SLC3A1: variants seen among roughly 807,000 people sequenced by gnomAD.
The protein encoded by SLC3A1 is solute carrier family 3 member 1, also known as amino acid transporter heavy chain SLC3A1.
In SLC3A1, 78 loss-of-function variants were observed where a neutral mutation model predicts 60.3. That is an observed-to-expected ratio of 1.29 (90% CI 1.08 to 1.56). SLC3A1 has a LOEUF of 1.56. Among genes scored for constraint, SLC3A1 ranks in the 40% most tolerant of loss-of-function variants. SLC3A1 has a pLI of 0.00. For synonymous variants in SLC3A1, 392 were observed against 307.9 expected (o/e 1.27, Z -2.86); for missense variants, 1,172 against 858.9 (o/e 1.36, Z -4.56).
intron 4 of SLC3A1, among the ~76,000 whole-genome samples, chr2:44,299,660 T>C (rs1002661391): frequency 1.1e-4 from 16 of 152,234 alleles, no homozygotes; most frequent in South Asian, 4.1e-4. Context: ...TCTTTTCTTA[T>C]GGTTTCATTC....
At chr2:44,277,083 C>T (rs1294659775) in intron 1 of SLC3A1, among the ~76,000 whole-genome samples, 3 of 138,458 alleles carry the variant, frequency 2.2e-5, no homozygotes, top group Non-Finnish European at 4.7e-5. Context: ...CTTTTTCACG[C>T]TCCTATCATT....
chr2:44,304,048 C>G, intron 6 of SLC3A1, 95 bp from the exon 7 acceptor site: 1 of 916,554 alleles, frequency 1.1e-6, no homozygotes, highest in Non-Finnish European at 1.8e-6. Context: ...TGCATTCAGC[C>G]CCTACATCTT....
rs562577136 is a variant in SLC3A1, at chr2:44,292,155, T to C, written c.891+5998T>C. Reference sequence around the variant, plus strand: ...AGACTCCAGATGGCCTGGCCTCGTATCTGGGGTTTGGAGTGATCCTACACC... The same window carrying C: ...AGACTCCAGATGGCCTGGCCTCGTACCTGGGGTTTGGAGTGATCCTACACC... On this transcript the variant is annotated intron_variant, in intron 4 of 9. Transcript: ENST00000260649. 1.1e-4 allele frequency among the ~76,000 whole-genome samples: 17 copies of C among 152,122 alleles called. No individual in the cohort carries two copies. In the South Asian group the frequency reaches 3.3e-3, roughly 30 times the overall value.
intron 1 of SLC3A1, among the ~76,000 whole-genome samples, chr2:44,280,190 A>C (rs1050765799): frequency 6.6e-6 from 1 of 152,142 alleles, no homozygotes; most frequent in Non-Finnish European, 1.5e-5. Context: ...GATTTTTTTT[A>C]ATGCTATGTT....
chr2:44,286,620 GTGTCTGTGACTGAGCTGTGCAC>G (rs1178016982), intron 4 of SLC3A1, among the ~76,000 whole-genome samples: 15 of 146,292 alleles, frequency 1.0e-4, no homozygotes, highest in African/African-American at 3.9e-4. Context: ...GAGCTGTGCG[GTGTCTGTGACTGAGCTGTGCAC>G]TGTCTGTGAC....
Position 44,304,345 on chromosome 2 carries a change from C to T in SLC3A1, c.1332+7C>T, listed in dbSNP as rs3738984. 0.65 allele frequency: 1,047,616 copies of T among 1,604,948 alleles called. 346,759 individuals carry two copies. The highest frequency in any genetic ancestry group is 0.68 in the Non-Finnish European group (799,932 of 1,171,878). On this transcript the variant is annotated splice_region_variant and intron_variant, in intron 7 of 9. Coordinates refer to ENST00000260649, the MANE Select transcript of SLC3A1 (RefSeq NM_000341.4). ...AAAATGGCCTAACTGGATGGTAAGT[C>T]CTCATGACAGCAGAGTACATAATGT... is the stretch of plus-strand genomic sequence containing the variant.
intron 3 of SLC3A1, 54 bp downstream of exon 3, chr2:44,281,595 T>C: frequency 1.3e-6 from 2 of 1,533,800 alleles, no homozygotes; most frequent in Non-Finnish European, 1.8e-6. Flanking sequence ...TATGTAGTGA[T>C]TGAACTGATT....
chr2:44,314,004 C>G (rs1672362229), intron 9 of SLC3A1, 53 bp downstream of exon 9: 2 of 1,611,224 alleles, frequency 1.2e-6, no homozygotes, highest in Non-Finnish European at 1.7e-6. Context: ...AAATGGGTTT[C>G]TACTGAAAGT....
chr2:44,275,496 T>C lies in SLC3A1; in HGVS notation c.-40T>C, dbSNP rs371415805. 4.5e-5 allele frequency: 70 copies of C among 1,550,268 alleles called. No homozygotes were observed. The highest frequency in any genetic ancestry group is 5.6e-5 in the Non-Finnish European group (63 of 1,125,160). ...CAGCAAGCCACTCTTCCACCTCCCT[T>C]ACTGCAGGAAGGCACTCCGAAGACA... On this transcript the variant is annotated 5_prime_UTR_variant, in exon 1 of 10. Coordinates refer to ENST00000260649, the MANE Select transcript of SLC3A1 (RefSeq NM_000341.4).
chr2:44,320,609 T>G lies in SLC3A1; in HGVS notation c.2028T>G (p.Ser676Arg). ...TTTCCAATCGAGCATGCTATTCCAG[T>G]GTACTGAACATACTGTATACCTCGT... ...CFVSNRACYS[S>R]VLNILYTSC is the part of the protein sequence containing the mutation. Residue 676 changes from serine (S) to arginine (R), a missense_variant, in exon 10 of 10, where the codon AGT (serine) becomes AGG (arginine). By Grantham distance (110) the Ser-to-Arg change is moderately radical. Coordinates refer to ENST00000260649, the MANE Select transcript of SLC3A1 (RefSeq NM_000341.4). 1 of 1,613,998 alleles carries G rather than the reference T, an allele frequency of 6.2e-7. No homozygotes were observed. Among genetic ancestry groups the G allele is most frequent in the African/African-American group, 1.3e-5 (1 of 75,028 alleles).
In SLC3A1 at chr2:44,318,096, T is replaced by C. The variant is rs1327416295; in HGVS notation, c.1618-2103T>C. 4 of 17,864 alleles carry C rather than the reference T, an allele frequency of 2.2e-4. No homozygotes were observed. The African/African-American group carries it at 4.2e-3, about 19-fold the overall frequency. 1.1% of individuals were successfully genotyped at this position (17,864 alleles called of 1,614,324 possible). A position where few individuals can be genotyped will look rare whatever the true frequency, so the allele number is the denominator to read the frequency against. Reference sequence around the variant, plus strand: ...TAATACTTAAAGGATCTCAACACTGTTTTTTTTTTTTTTTGAGACAGTCTT... The same window carrying C: ...TAATACTTAAAGGATCTCAACACTGCTTTTTTTTTTTTTTGAGACAGTCTT... On this transcript the variant is annotated intron_variant, in intron 9 of 9. Transcript: ENST00000260649.
At chr2:44,293,697 C>T (rs1183279241) in intron 4 of SLC3A1, among the ~76,000 whole-genome samples, 1 of 152,090 alleles carries the variant, frequency 6.6e-6, no homozygotes, top group Non-Finnish European at 1.5e-5. Context: ...GAGCGAATTG[C>T]TCACATGTGA....
rs1258532585 is a variant in SLC3A1 at position 44,299,979 on chromosome 2, A to G, written c.900A>G (p.Leu300=). 1 of 1,614,108 alleles carries G rather than the reference A, an allele frequency of 6.2e-7. No homozygotes were observed. The highest frequency in any genetic ancestry group is 1.7e-5 in the Admixed American group (1 of 60,030). ...PDVQEEIKEI[L]RFWLTKGVDG... ...TGCTTCTTCATCTTTAGGAAATTTT[A>G]CGGTTCTGGCTCACAAAGGGTGTTG... Residue 300 remains leucine (L), a synonymous_variant, in exon 5 of 10, where the codon TTA becomes TTG. Coordinates refer to ENST00000260649, the MANE Select transcript of SLC3A1 (RefSeq NM_000341.4).
chr2:44,292,186 T>C (rs945114666), intron 4 of SLC3A1, among the ~76,000 whole-genome samples: 2 of 151,888 alleles, frequency 1.3e-5, no homozygotes, highest in Non-Finnish European at 2.9e-5. Flanking sequence ...ACACCTGCCA[T>C]ATGGGAATGC....
chr2:44,300,948 C>T (rs1385194608), intron 5 of SLC3A1, 55 bp from the exon 6 acceptor site: 3 of 1,609,934 alleles, frequency 1.9e-6, no homozygotes, highest in Non-Finnish European at 1.7e-6. Flanking sequence ...ATAGAGCGAG[C>T]TGTGGGCATG....
At chr2:44,306,041 C>T (rs1672147006) in intron 7 of SLC3A1, among the ~76,000 whole-genome samples, 2 of 152,222 alleles carry the variant, frequency 1.3e-5, no homozygotes, top group South Asian at 2.1e-4. Context: ...ACGGTGCCCA[C>T]CTCACACGGA....
In SLC3A1 at chr2:44,304,318, G is replaced by A. The variant is rs1443595316; in HGVS notation, c.1312G>A (p.Gly438Arg). 2 of 1,613,938 alleles carry A rather than the reference G, an allele frequency of 1.2e-6. No individual in the cohort carries two copies. The highest frequency in any genetic ancestry group is 1.3e-5 in the African/African-American group (1 of 74,942). The change falls in exon 7 of 10, where the codon GGA becomes AGA. Residue 438 changes from glycine (G) to arginine (R), a missense_variant. Gly to Arg is a moderately radical substitution (Grantham distance 125). Transcript: ENST00000260649. ...ITSWMENMPE[G>R]KWPNWMIGGP... is the part of the protein sequence containing the mutation. ...ATCCTGGATGGAAAACATGCCAGAA[G>A]GAAAATGGCCTAACTGGATGGTAAG...
chr2:44,316,041 G>C (rs1305191867), intron 9 of SLC3A1, among the ~76,000 whole-genome samples: 1 of 152,192 alleles, frequency 6.6e-6, no homozygotes, highest in Non-Finnish European at 1.5e-5. Flanking sequence ...AGTAGGAAAA[G>C]AACCCTACAT....
At chr2:44,279,478 C>A (rs1671441144) in intron 1 of SLC3A1, among the ~76,000 whole-genome samples, 2 of 152,120 alleles carry the variant, frequency 1.3e-5, no homozygotes, top group South Asian at 4.2e-4. Context: ...GCCCTGATGC[C>A]CTTAAAGCAC....
Sources: gnomAD v4.1 joint callset for allele counts (sites outside exome capture counted in the v4.1 genomes callset) on GRCh38, gnomAD v4.1.1 for gene constraint, MANE v1.5 for transcripts, NCBI Gene and HGNC (gene_info 2026-07-23, HGNC 2026-07-21) for gene names.